GSE1: variants seen among roughly 807,000 people sequenced by gnomAD.
The protein encoded by GSE1 is Gse1 coiled-coil protein, also known as genetic suppressor element 1.
Under a neutral mutation model 112.6 loss-of-function variants are expected in GSE1, and 32 were observed. The observed-to-expected ratio is 0.28, with a 90% CI of 0.21 to 0.38. The LOEUF (loss-of-function observed/expected upper bound fraction) is 0.38. Ranked by LOEUF, GSE1 falls within the 10% of genes least tolerant of loss-of-function variation. GSE1 has a pLI of 1.00. For synonymous variants in GSE1, 1,115 were observed against 735.6 expected (o/e 1.52, Z -8.35); for missense variants, 2,348 against 1,699.2 (o/e 1.38, Z -6.71).
In GSE1 at chr16:85,618,348, G is replaced by A. The variant is rs956530592; in HGVS notation, c.7+4950G>A. Among the ~76,000 whole-genome samples the A allele has an allele frequency of 5.3e-5, 8 of 152,284 alleles. No homozygotes were observed. In the South Asian group the frequency reaches 1.7e-3, roughly 32 times the overall value. ...GAGGGTGAGGATGAGATGCTGTAAT[G>A]CCCGCCACATGCCCCTGACGGGTAA... On this transcript the variant is annotated intron_variant, in intron 1 of 15. Coordinates refer to ENST00000253458, the MANE Select transcript of GSE1 (RefSeq NM_014615.5).
intron 1 of GSE1, among the ~76,000 whole-genome samples, chr16:85,632,915 C>G (rs909155469): frequency 6.6e-6 from 1 of 152,176 alleles, no homozygotes; most frequent in African/African-American, 2.4e-5. Flanking sequence ...ATTGGACACA[C>G]GGGGTGGGCG....
chr16:85,510,203 C>G (rs2151930519), intron 2 of GSE1, among the ~76,000 whole-genome samples: 1 of 152,316 alleles, frequency 6.6e-6, no homozygotes, highest in South Asian at 2.1e-4. Flanking sequence ...GCTTTGTGAG[C>G]CGGCTTTTCA....
At chr16:85,421,274 G>A (rs1210882026) in intron 2 of GSE1, among the ~76,000 whole-genome samples, 9 of 152,190 alleles carry the variant, frequency 5.9e-5, no homozygotes, top group East Asian at 5.8e-4. Flanking sequence ...GGGGTCTCTC[G>A]GGCCCTGGCC....
chr16:85,261,333 C>T lies in GSE1; in HGVS notation c.2283+89526C>T, dbSNP rs115140021. Among the ~76,000 whole-genome samples, 551 of 152,362 alleles carry T rather than the reference C, an allele frequency of 3.6e-3. 4 individuals are homozygous for T. The highest frequency in any genetic ancestry group is 0.012 in the African/African-American group (513 of 41,582). ...ACTCACTCAGTGTATGACTCTGCCT[C>T]GGTGCCTCAGTGTTCCATCTGTACA... On this transcript the variant is annotated intron_variant, in intron 1 of 2. Transcript: ENST00000637419.
At chr16:85,275,572 T>G (rs1909276235) in intron 1 of GSE1, among the ~76,000 whole-genome samples, 1 of 152,166 alleles carries the variant, frequency 6.6e-6, no homozygotes, top group African/African-American at 2.4e-5. Context: ...ACCCAGCATT[T>G]CATACTTTCC....
intron 1 of GSE1, among the ~76,000 whole-genome samples, chr16:85,560,766 G>A (rs571068187): frequency 2.0e-5 from 3 of 152,164 alleles, no homozygotes; most frequent in Admixed American, 6.5e-5. Context: ...CCATGCTGGC[G>A]CAGACTGGGT....
At chr16:85,268,239 A>G (rs201698727) in intron 1 of GSE1, among the ~76,000 whole-genome samples, 1 of 151,486 alleles carries the variant, frequency 6.6e-6, no homozygotes, top group Non-Finnish European at 1.5e-5. Context: ...GGTGTGGCAC[A>G]AGGGTTCTAT....
chr16:85,322,255 G>C (rs2046123574), intron 1 of GSE1, among the ~76,000 whole-genome samples: 1 of 145,932 alleles, frequency 6.9e-6, no homozygotes, highest in African/African-American at 2.5e-5. Flanking sequence ...GCCAGTCTGG[G>C]TCTGATAGTA....
At chr16:85,533,685 G>C (rs1335183251) in intron 2 of GSE1, among the ~76,000 whole-genome samples, 1 of 152,062 alleles carries the variant, frequency 6.6e-6, no homozygotes, top group African/African-American at 2.4e-5. Context: ...GCAACATAGA[G>C]GGACCCCATC....
intron 1 of GSE1, among the ~76,000 whole-genome samples, chr16:85,613,786 G>A (rs2048165961): frequency 6.6e-6 from 1 of 150,632 alleles, no homozygotes; most frequent in African/African-American, 2.4e-5. Context: ...TTGCGGCGAC[G>A]CGGGAGGGAG....
intron 2 of GSE1, among the ~76,000 whole-genome samples, chr16:85,541,037 G>C (rs2044500458): frequency 6.6e-6 from 1 of 152,174 alleles, no homozygotes; most frequent in African/African-American, 2.4e-5. Flanking sequence ...CAGAGACAGA[G>C]CCTGAGAGGA....
chr16:85,464,136 C>T (rs1177561736), intron 2 of GSE1, among the ~76,000 whole-genome samples: 2 of 152,160 alleles, frequency 1.3e-5, no homozygotes, highest in Non-Finnish European at 2.9e-5. Flanking sequence ...GCCCACCCCT[C>T]CTCTCTCTGT....
chr16:85,347,053 G>A (rs1159208980), intron 1 of GSE1, among the ~76,000 whole-genome samples: 4 of 152,188 alleles, frequency 2.6e-5, no homozygotes, highest in Non-Finnish European at 5.9e-5. Flanking sequence ...ACTTTGGTAA[G>A]GGGTTGGCGG....
rs550004104 is a variant in GSE1 at position 85,343,526 on chromosome 16, G to C, written c.2284-13937G>C. Among the ~76,000 whole-genome samples the C allele has an allele frequency of 4.6e-5, 7 of 152,272 alleles. No individual in the cohort carries two copies. In the East Asian group the frequency reaches 1.2e-3, roughly 25 times the overall value. Reference sequence around the variant, plus strand: ...AATTTTGGGAGGTTGAAGCAGGAAGGTCGCTTTAAGCCAACAGTTCGAGAT... The same window carrying C: ...AATTTTGGGAGGTTGAAGCAGGAAGCTCGCTTTAAGCCAACAGTTCGAGAT... On this transcript the variant is annotated intron_variant, in intron 1 of 2. Coordinates refer to the GSE1 transcript ENST00000637419.
chr16:85,170,109 C>G (rs528891390), exon 1 of GSE1: 112 of 985,270 alleles, frequency 1.1e-4, no homozygotes, highest in Non-Finnish European at 1.3e-4. Context: ...CCGCCAGCCC[C>G]CACCAGGACG....
intron 1 of GSE1, among the ~76,000 whole-genome samples, chr16:85,631,124 C>T (rs749003593): frequency 1.3e-5 from 2 of 152,222 alleles, no homozygotes; most frequent in Non-Finnish European, 2.9e-5. Flanking sequence ...TCATTGATGT[C>T]CGTGTGGGTC....
At chr16:85,351,760 C>A (rs1597462540) in intron 1 of GSE1, among the ~76,000 whole-genome samples, 1 of 152,308 alleles carries the variant, frequency 6.6e-6, no homozygotes, top group East Asian at 1.9e-4. Flanking sequence ...GAGGCCGAGG[C>A]AGGCGGATCA....
intron 1 of GSE1, among the ~76,000 whole-genome samples, chr16:85,223,274 A>G (rs1297844593): frequency 1.3e-5 from 2 of 152,204 alleles, no homozygotes; most frequent in African/African-American, 4.8e-5. Flanking sequence ...TGTAATCCCA[A>G]CACTTTGGGA....
intron 2 of GSE1, among the ~76,000 whole-genome samples, chr16:85,642,896 G>T (rs551006801): frequency 2.0e-5 from 3 of 152,280 alleles, no homozygotes; most frequent in African/African-American, 7.2e-5. Context: ...TGGCTTTGGG[G>T]CCTGACCACG....
Sources: allele counts gnomAD v4.1 joint callset (sites outside exome capture counted in the v4.1 genomes callset), GRCh38; gene constraint gnomAD v4.1.1; transcripts MANE v1.5; gene names NCBI Gene and HGNC (gene_info 2026-07-23, HGNC 2026-07-21).